Variants in CA9 observed in about 807,000 individuals in gnomAD.
CA9 encodes the protein carbonic anhydrase 9, also known as CA-IX.
CA9 carries 43 observed loss-of-function variants against 51.8 expected under a neutral mutation model. That is an observed-to-expected ratio of 0.83 (90% CI 0.65 to 1.07). The LOEUF is 1.07. Among genes scored for constraint, CA9 ranks in the 50% least tolerant of loss-of-function variants. The probability of loss-of-function intolerance (pLI) is 0.00; values close to 1 mark genes in which losing one functional copy is unlikely to be tolerated. For missense variants in CA9, 574 were observed against 581.4 expected (o/e 0.99, Z 0.13); for synonymous variants, 253 against 244.2 (o/e 1.04, Z -0.34).
chr9:35,679,436 C>T lies in CA9; in HGVS notation c.1065+94C>T, dbSNP rs1047681706. 4.0e-5 allele frequency: 59 copies of T among 1,471,152 alleles called. No individual in the cohort carries two copies. The African/African-American group carries it at 7.5e-4, about 19-fold the overall frequency. 91.1% of individuals were successfully genotyped at this position (1,471,152 alleles called of 1,614,324 possible). A position where few individuals can be genotyped will look rare whatever the true frequency, so the allele number is the denominator to read the frequency against. On this transcript the variant is annotated intron_variant, in intron 7 of 10. Coordinates refer to ENST00000378357, the MANE Select transcript of CA9 (RefSeq NM_001216.3). The stretch of plus-strand genomic sequence containing the variant: ...GGAGAAGAAAGAAATCAAGGCTGGG[C>T]TCTGTGGCTTACGCCTATAATCCCA...
chr9:35,679,083 T>G lies in CA9; in HGVS notation c.908-102T>G, dbSNP rs925315561. 3.1e-6 allele frequency: 4 copies of G among 1,270,706 alleles called. No homozygotes were observed. In the African/African-American group the frequency reaches 4.5e-5, roughly 14 times the overall value. 78.7% of individuals were successfully genotyped at this position (1,270,706 alleles called of 1,614,324 possible). On this transcript the variant is annotated intron_variant, in intron 6 of 10. Transcript: ENST00000378357. ...ACTTAGCGAAGAAGTGGTCTCAGAG[T>G]TGAGTTACCTTGGCTTCTGGGAGGT...
rs780565751 is a variant in CA9, at chr9:35,680,818, A to T, written c.1303A>T (p.Met435Leu). ...AVTSVAFLVQ[M>L]RRQHRRGTKG... is the part of the protein sequence containing the mutation. The stretch of plus-strand genomic sequence containing the variant: ...CACCAGCGTCGCGTTCCTTGTGCAG[A>T]TGAGAAGGCAGCACAGGTATTACAC... The change falls in exon 10 of 11, where the codon ATG becomes TTG. Residue 435 changes from methionine (M) to leucine (L), a missense_variant. Coordinates refer to ENST00000378357, the MANE Select transcript of CA9 (RefSeq NM_001216.3). 1 of 1,614,062 alleles carries T rather than the reference A, an allele frequency of 6.2e-7. No homozygotes were observed. Among genetic ancestry groups the T allele is most frequent in the Non-Finnish European group, 8.5e-7 (1 of 1,180,006 alleles).
chr9:35,678,695 C>CTTTTTT (rs746454806), intron 6 of CA9, among the ~76,000 whole-genome samples: 7 of 129,868 alleles, frequency 5.4e-5, no homozygotes, highest in African/African-American at 1.5e-4. Context: ...TTTTTCTTTT[C>CTTTTTT]TTTTCTTTTT....
chr9:35,676,012 G>A, intron 3 of CA9, 52 bp from the exon 4 acceptor site: 1 of 1,606,652 alleles, frequency 6.2e-7, no homozygotes, highest in Non-Finnish European at 8.5e-7. Context: ...CTGCCCGGGG[G>A]TTGGGCTGGC....
Position 35,677,850 on chromosome 9 carries a change from G to A in CA9, c.901G>A (p.Glu301Lys), listed in dbSNP as rs748130640. 1.2e-6 allele frequency: 2 copies of A among 1,614,016 alleles called. No homozygotes were observed. Among genetic ancestry groups the A allele is most frequent in the Non-Finnish European group, 1.7e-6 (2 of 1,179,878 alleles). Reference protein sequence around the residue: ...QLLSRLEEIAEEGSETQVPGL... With the variant: ...QLLSRLEEIAKEGSETQVPGL... The stretch of plus-strand genomic sequence containing the variant: ...GCTGTCTCGCTTGGAAGAAATCGCT[G>A]AGGAAGGTCAGTTTGTTGGTCTGGC... The change falls in exon 6 of 11, where the codon GAG (glutamate) becomes AAG (lysine). Residue 301 changes from glutamate (E) to lysine (K), a missense_variant. By Grantham distance (56) the Glu-to-Lys change is moderately conservative (BLOSUM62 1). Transcript: ENST00000378357.
intron 8 of CA9, 36 bp downstream of exon 8, chr9:35,680,034 C>T (rs1248417257): frequency 5.0e-6 from 8 of 1,614,094 alleles, no homozygotes; most frequent in Admixed American, 1.7e-5. Flanking sequence ...AGCCAGTAGT[C>T]CCTTATCCTC....
chr9:35,674,617 A>G (rs1242429914), intron 1 of CA9: 3 of 425,182 alleles, frequency 7.1e-6, no homozygotes, highest in Non-Finnish European at 1.2e-5. Flanking sequence ...GAGGCTGGAG[A>G]AGAGAAAGGG....
rs1451415615 is a variant in CA9 at position 35,676,408 on chromosome 9, C to T, written c.840+19C>T. 4 of 1,580,948 alleles carry T rather than the reference C, an allele frequency of 2.5e-6. No individual in the cohort carries two copies. Among genetic ancestry groups the T allele is most frequent in the Non-Finnish European group, 3.5e-6 (4 of 1,152,970 alleles). The stretch of plus-strand genomic sequence containing the variant: ...TCTGGAGGTACCAGATCCTGGACAC[C>T]CCCTACTCCCCGCTTTCCCATCCCA... On this transcript the variant is annotated intron_variant, in intron 5 of 10. Coordinates refer to ENST00000378357, the MANE Select transcript of CA9 (RefSeq NM_001216.3).
At position 35,674,104 on chromosome 9, in the gene CA9, T is replaced by C. The variant is rs12553173; in HGVS notation, c.145T>C (p.Leu49=). Residue 49 remains leucine, a synonymous_variant, in exon 1 of 11, where the codon TTG becomes CTG. Coordinates refer to ENST00000378357, the MANE Select transcript of CA9 (RefSeq NM_001216.3). ...GCCCCGGATGCAGGAGGATTCCCCC[T>C]TGGGAGGAGGCTCTTCTGGGGAAGA... The part of the protein sequence containing the change: ...RLPRMQEDSP[L]GGGSSGEDDP... 231,572 of 1,613,850 alleles carry C rather than the reference T, an allele frequency of 0.14. 19,483 individuals carry two copies. Among genetic ancestry groups the C allele is most frequent in the African/African-American group, 0.38 (28,782 of 74,894 alleles).
intron 3 of CA9, 36 bp from the exon 4 acceptor site, chr9:35,676,028 C>G (rs758277884): frequency 6.2e-6 from 10 of 1,608,988 alleles, no homozygotes; most frequent in Middle Eastern, 1.7e-4. Context: ...CTGGCCCTAC[C>G]GGGCGGGGCC....
Position 35,674,076 on chromosome 9 carries a change from G to T in CA9, c.117G>T (p.Arg39Ser). The T allele has an allele frequency of 6.2e-7, 1 of 1,614,226 alleles. No individual in the cohort carries two copies. Among genetic ancestry groups the T allele is most frequent in the Middle Eastern group, 1.6e-4 (1 of 6,062 alleles). ...LLLLVPVHPQ[R>S]LPRMQEDSPL... is the part of the protein sequence containing the mutation. ...TTCTGGTGCCTGTCCATCCCCAGAG[G>T]TTGCCCCGGATGCAGGAGGATTCCC... Residue 39 changes from arginine to serine, a missense_variant, in exon 1 of 11, where the codon AGG becomes AGT. By Grantham distance (110) the Arg-to-Ser change is moderately radical. Coordinates refer to ENST00000378357, the MANE Select transcript of CA9 (RefSeq NM_001216.3).
chr9:35,676,324 T>C lies in CA9; in HGVS notation c.775T>C (p.Phe259Leu), dbSNP rs764263066. Residue 259 changes from phenylalanine to leucine, a missense_variant, in exon 5 of 11, where the codon TTT becomes CTT. Phe to Leu is a conservative substitution (Grantham distance 22). Coordinates refer to ENST00000378357, the MANE Select transcript of CA9 (RefSeq NM_001216.3). Reference protein sequence around the residue: ...EIHVVHLSTAFARVDEALGRP... With the variant: ...EIHVVHLSTALARVDEALGRP... ...CCACGTGGTTCACCTCAGCACCGCC[T>C]TTGCCAGAGTTGACGAGGCCTTGGG... 2 of 1,614,062 alleles carry C rather than the reference T, an allele frequency of 1.2e-6. No homozygotes were observed. Among genetic ancestry groups the C allele is most frequent in the South Asian group, 2.2e-5 (2 of 91,084 alleles).
intron 6 of CA9, among the ~76,000 whole-genome samples, chr9:35,678,700 C>CTTTT (rs71800585): frequency 1.5e-5 from 2 of 131,966 alleles, no homozygotes; most frequent in Non-Finnish European, 3.1e-5. Context: ...CTTTTCTTTT[C>CTTTT]TTTTTTTTTT....
At position 35,681,057 on chromosome 9, in the gene CA9, C is replaced by T; in HGVS notation, c.*32C>T. On this transcript the variant is annotated 3_prime_UTR_variant, in exon 11 of 11. Coordinates refer to ENST00000378357, the MANE Select transcript of CA9 (RefSeq NM_001216.3). ...GATCTTGGAGAATGTGAGAAGCCAGCCAGAGGCATCTGAGGGGGAGCCGGT... is the reference window on the plus strand; with the variant it reads ...GATCTTGGAGAATGTGAGAAGCCAGTCAGAGGCATCTGAGGGGGAGCCGGT... 1.2e-6 allele frequency: 2 copies of T among 1,601,154 alleles called. No individual in the cohort carries two copies. Among genetic ancestry groups the T allele is most frequent in the Non-Finnish European group, 1.7e-6 (2 of 1,170,976 alleles).
rs372703008 is a variant in CA9, at chr9:35,680,216, G to A, written c.1237+77G>A. 4.3e-4 allele frequency: 659 copies of A among 1,538,240 alleles called. 2 individuals carry two copies. In the African/African-American group the frequency reaches 7.4e-3, roughly 17 times the overall value. On this transcript the variant is annotated intron_variant, in intron 9 of 10. Transcript: ENST00000378357. ...TTCAGCCCCAGGGCTGCTCAGGACC[G>A]CCTCTGCTCCCTCTCCTTTTCTGCA...
At chr9:35,674,427 G>T in intron 1 of CA9, 65 bp downstream of exon 1, 2 of 1,478,142 alleles carry the variant, frequency 1.4e-6, no homozygotes, top group Non-Finnish European at 1.8e-6. Context: ...CCATACCCCA[G>T]CCTAGGCTCT....
At chr9:35,676,260 G>C in intron 4 of CA9, 37 bp from the exon 5 acceptor site, 1 of 1,613,748 alleles carries the variant, frequency 6.2e-7, no homozygotes, top group African/African-American at 1.3e-5. Context: ...AGCGGGGCCA[G>C]AGACGTGGCC....
At chr9:35,674,818 A>T (rs937890629) in intron 1 of CA9, 1 of 161,390 alleles carries the variant, frequency 6.2e-6, no homozygotes, top group African/African-American at 2.4e-5. Flanking sequence ...ACCTAGGAAG[A>T]AGGGACACAG....
rs1563923342 is a variant in CA9, at chr9:35,679,188, C to T, written c.911C>T (p.Ser304Leu). ...SRLEEIAEEG[S>L]ETQVPGLDIS... ...CCAACATAGATCCTCTTCACAGGCT[C>T]AGAGACTCAGGTCCCAGGACTGGAC... Residue 304 changes from serine to leucine, a missense_variant, in exon 7 of 11, where the codon TCA becomes TTA. Transcript: ENST00000378357. 4 of 1,613,994 alleles carry T rather than the reference C, an allele frequency of 2.5e-6. No homozygotes were observed. Among genetic ancestry groups the T allele is most frequent in the Non-Finnish European group, 3.4e-6 (4 of 1,180,010 alleles).
Sources: gnomAD v4.1 joint callset for allele counts (sites outside exome capture counted in the v4.1 genomes callset) on GRCh38, gnomAD v4.1.1 for gene constraint, MANE v1.5 for transcripts, NCBI Gene and HGNC (gene_info 2026-07-23, HGNC 2026-07-21) for gene names.